Variants in RMDN2 observed in about 807,000 individuals in gnomAD.
RMDN2 encodes regulator of microtubule dynamics 2.
In RMDN2, 61 loss-of-function variants were observed where a neutral mutation model predicts 52.8. That is an observed-to-expected ratio of 1.16 (90% CI 0.94 to 1.43). The LOEUF (loss-of-function observed/expected upper bound fraction) is 1.43, where lower values mean the gene tolerates loss of function less well. Ranked by LOEUF, RMDN2 falls within the 40% of genes most tolerant of loss-of-function variation. The pLI is 0.00. For synonymous variants in RMDN2, 180 were observed against 153.1 expected (o/e 1.18, Z -1.30); for missense variants, 592 against 475.3 (o/e 1.25, Z -2.28).
intron 10 of RMDN2, among the ~76,000 whole-genome samples, chr2:38,047,233 A>G (rs75503235): frequency 0.012 from 1,770 of 152,334 alleles, 37 homozygotes; most frequent in African/African-American, 0.04. Flanking sequence ...TTAAATACAC[A>G]TGAAGAAATA....
At position 37,975,299 on chromosome 2, in the gene RMDN2, C is replaced by G. The variant is rs200371485; in HGVS notation, c.715C>G (p.His239Asp). The G allele has an allele frequency of 2.8e-5, 45 of 1,586,136 alleles. No individual in the cohort carries two copies. The East Asian group carries it at 5.1e-4, about 18-fold the overall frequency. ...ATCTACAAACACACAAGAAAAGAAACATTATGCTAATATTGGTAAGCATTT... is the reference window on the plus strand; with the variant it reads ...ATCTACAAACACACAAGAAAAGAAAGATTATGCTAATATTGGTAAGCATTT... ...ELSTNTQEKK[H>D]YANIGKTLSE... Residue 239 changes from histidine to aspartate, a missense_variant, in exon 4 of 11, where the codon CAT becomes GAT. Transcript: ENST00000354545.
At chr2:37,978,385 C>T (rs1572908339) in intron 4 of RMDN2, among the ~76,000 whole-genome samples, 1 of 151,752 alleles carries the variant, frequency 6.6e-6, no homozygotes, top group Admixed American at 6.6e-5. Flanking sequence ...CCTGCCCTAC[C>T]CTGGGTATTA....
In RMDN2 at chr2:37,989,543, A is replaced by G. The variant is rs774110897; in HGVS notation, c.794A>G (p.Tyr265Cys). ...TTGTCTGTTTTTGTCCTTTTCAGGT[A>G]TGCAGTTTTGTGTGGCTATGTATCT... is the stretch of plus-strand genomic sequence containing the variant. ...APMNGHCHLW[Y>C]AVLCGYVSEF... is the part of the protein sequence containing the mutation. The change falls in exon 6 of 11, where the codon TAT (tyrosine) becomes TGT (cysteine). Residue 265 changes from tyrosine to cysteine, a missense_variant and splice_region_variant. Transcript: ENST00000354545. The G allele has an allele frequency of 4.3e-6, 7 of 1,610,742 alleles. No individual in the cohort carries two copies. The highest frequency in any genetic ancestry group is 5.9e-6 in the Non-Finnish European group (7 of 1,178,206).
chr2:37,992,057 T>C (rs777359257), intron 7 of RMDN2, among the ~76,000 whole-genome samples: 1 of 152,226 alleles, frequency 6.6e-6, no homozygotes, highest in Non-Finnish European at 1.5e-5. Context: ...ATTGAACACC[T>C]GCTCTATGCC....
At chr2:38,015,104 G>A (rs17490310) in intron 10 of RMDN2, among the ~76,000 whole-genome samples, 24,503 of 152,180 alleles carry the variant, frequency 0.16, 2,086 homozygotes, top group African/African-American at 0.18. Flanking sequence ...AAAGTTAGAA[G>A]GAAGCTCTGA....
intron 2 of RMDN2, among the ~76,000 whole-genome samples, chr2:37,948,634 G>T (rs1668428015): frequency 6.6e-6 from 1 of 152,174 alleles, no homozygotes; most frequent in South Asian, 2.1e-4. Flanking sequence ...GCAATTTGCA[G>T]ACATTTAGAG....
At chr2:37,973,982 T>C in intron 2 of RMDN2, 58 bp from the exon 3 acceptor site, 1 of 1,332,240 alleles carries the variant, frequency 7.5e-7, no homozygotes. Flanking sequence ...TTAAAAGGAA[T>C]GCTCTGGCTA....
At chr2:37,963,705 A>G (rs1670598511) in intron 2 of RMDN2, among the ~76,000 whole-genome samples, 1 of 152,120 alleles carries the variant, frequency 6.6e-6, no homozygotes, top group Non-Finnish European at 1.5e-5. Flanking sequence ...GGAGTCTCCT[A>G]TGTCTACTTC....
intron 2 of RMDN2, among the ~76,000 whole-genome samples, chr2:37,942,505 A>G (rs1244007624): frequency 2.6e-5 from 4 of 152,342 alleles, no homozygotes; most frequent in African/African-American, 4.8e-5. Context: ...ATGTTACTAA[A>G]TTATTCCTTA....
intron 10 of RMDN2, among the ~76,000 whole-genome samples, chr2:38,066,062 T>C (rs971877770): frequency 2.0e-5 from 3 of 152,198 alleles, no homozygotes; most frequent in African/African-American, 7.2e-5. Flanking sequence ...GGTACAAAGA[T>C]AATGGGCTTT....
intron 5 of RMDN2, among the ~76,000 whole-genome samples, chr2:37,985,882 T>A (rs1673942206): frequency 6.6e-6 from 1 of 152,150 alleles, no homozygotes; most frequent in Non-Finnish European, 1.5e-5. Context: ...TTTTAGTTAA[T>A]AGTGTATTAA....
chr2:37,974,448 A>G (rs1453740289), intron 3 of RMDN2, among the ~76,000 whole-genome samples: 3 of 150,182 alleles, frequency 2.0e-5, no homozygotes, highest in Admixed American at 6.6e-5. Context: ...AAAAATGAGA[A>G]CCAGAGCTAT....
At chr2:38,018,397 T>G, downstream of RMDN2, among the ~76,000 whole-genome samples, 1 of 152,230 alleles carries the variant, frequency 6.6e-6, no homozygotes, top group East Asian at 1.9e-4. Flanking sequence ...TGAAAAGTAT[T>G]AAATCTTTAG....
chr2:38,004,371 C>T (rs1372491496), intron 10 of RMDN2, among the ~76,000 whole-genome samples, 155 bp downstream of exon 10: 1 of 152,178 alleles, frequency 6.6e-6, no homozygotes, highest in Non-Finnish European at 1.5e-5. Context: ...TTGACAAAAA[C>T]TATATGTATA....
intron 2 of RMDN2, among the ~76,000 whole-genome samples, chr2:37,968,785 G>T (rs1364826293): frequency 6.6e-6 from 1 of 152,188 alleles, no homozygotes; most frequent in Non-Finnish European, 1.5e-5. Flanking sequence ...CTCTAGACCT[G>T]CTGAAAGGCT....
intron 10 of RMDN2, among the ~76,000 whole-genome samples, chr2:38,010,952 C>T (rs1677896783): frequency 6.6e-6 from 1 of 152,166 alleles, no homozygotes; most frequent in African/African-American, 2.4e-5. Flanking sequence ...AACCTGTCAC[C>T]AGGAGGCCCC....
At chr2:37,923,882 T>C (rs941998530), upstream of RMDN2, among the ~76,000 whole-genome samples, 9 of 152,144 alleles carry the variant, frequency 5.9e-5, no homozygotes, top group African/African-American at 1.9e-4. Flanking sequence ...CCCGAGCAGC[T>C]GGGACTACAG....
downstream of RMDN2, chr2:38,017,758 G>C (rs1001067711): frequency 3.1e-6 from 1 of 319,058 alleles, no homozygotes; most frequent in Admixed American, 5.0e-5. Flanking sequence ...GCTTTCACTC[G>C]TGTCCATGTG....
intron 10 of RMDN2, among the ~76,000 whole-genome samples, chr2:38,056,346 CGTT>C (rs1394218058): frequency 3.9e-5 from 6 of 152,186 alleles, no homozygotes; most frequent in African/African-American, 1.4e-4. Context: ...AGTTCTTAAT[CGTT>C]GTTCCCAAAG....
Sources: allele counts gnomAD v4.1 joint callset (sites outside exome capture counted in the v4.1 genomes callset), GRCh38; gene constraint gnomAD v4.1.1; transcripts MANE v1.5; gene names NCBI Gene and HGNC (gene_info 2026-07-23, HGNC 2026-07-21).